KCTD8: variants seen among roughly 807,000 people sequenced by gnomAD.
The protein encoded by KCTD8 is potassium channel tetramerization domain containing 8, also known as BTB/POZ domain-containing protein KCTD8.
In KCTD8, 27 loss-of-function variants were observed where a neutral mutation model predicts 31.5. The observed-to-expected ratio is 0.86, with a 90% CI of 0.63 to 1.18. The LOEUF (loss-of-function observed/expected upper bound fraction) is 1.18, where lower values mean the gene tolerates loss of function less well. Ranked by LOEUF, KCTD8 falls within the 50% of genes most tolerant of loss-of-function variation. The pLI is 0.00. For missense variants in KCTD8, 658 were observed against 647.7 expected, an observed-to-expected ratio of 1.02 and a Z score of -0.17; for synonymous variants, 290 against 280.0, an observed-to-expected ratio of 1.04 and a Z score of -0.36.
chr4:44,318,056 C>T (rs1018630813), intron 1 of KCTD8, among the ~76,000 whole-genome samples: 1 of 152,240 alleles, frequency 6.6e-6, no homozygotes, highest in African/African-American at 2.4e-5. Context: ...CATCTCTGGA[C>T]TCCCTTGGGA....
At chr4:44,335,786 T>C (rs546133144) in intron 1 of KCTD8, among the ~76,000 whole-genome samples, 23 of 151,986 alleles carry the variant, frequency 1.5e-4, no homozygotes, top group African/African-American at 5.1e-4. Context: ...TTCTAGAGAG[T>C]GCAAAAGAGA....
chr4:44,434,839 C>T lies in KCTD8; in HGVS notation c.961+12724G>A, dbSNP rs1474808189. ...TTAACTCGACTGGCCAGAATGCCCA[C>T]TTCAGGATTAACAAGGAATTTCTCT... On this transcript the variant is annotated intron_variant, in intron 1 of 1. Coordinates refer to ENST00000360029, the MANE Select transcript of KCTD8 (RefSeq NM_198353.3). Among the ~76,000 whole-genome samples, 3 of 151,934 alleles carry T rather than the reference C, an allele frequency of 2.0e-5. No individual in the cohort carries two copies. The East Asian group carries it at 5.8e-4, about 29-fold the overall frequency.
intron 1 of KCTD8, among the ~76,000 whole-genome samples, chr4:44,389,457 T>C (rs1341113944): frequency 2.6e-5 from 4 of 151,738 alleles, no homozygotes; most frequent in Admixed American, 6.6e-5. Context: ...GTTGTAGGAC[T>C]ATGCTATGGG....
chr4:44,246,730 ACGC>A (rs1715678553), intron 1 of KCTD8, among the ~76,000 whole-genome samples: 1 of 151,802 alleles, frequency 6.6e-6, no homozygotes, highest in African/African-American at 2.4e-5. Context: ...TTCTACCTTC[ACGC>A]CTTACCTGAA....
At chr4:44,447,411 C>A (rs1004077383) in intron 1 of KCTD8, 152 bp downstream of exon 1, 1 of 1,252,140 alleles carries the variant, frequency 8.0e-7, no homozygotes, top group African/African-American at 1.5e-5. Context: ...GTGTCTACTG[C>A]ATAAGGGAAT....
intron 1 of KCTD8, among the ~76,000 whole-genome samples, chr4:44,339,044 C>G (rs182791839): frequency 6.6e-6 from 1 of 152,166 alleles, no homozygotes; most frequent in East Asian, 1.9e-4. Context: ...GAAGGCCACA[C>G]GTAATATAGA....
intron 1 of KCTD8, among the ~76,000 whole-genome samples, chr4:44,225,998 T>C (rs533115239): frequency 6.6e-6 from 1 of 152,014 alleles, no homozygotes; most frequent in Non-Finnish European, 1.5e-5. Flanking sequence ...TTTTTTGTTT[T>C]TTTGTATTTT....
intron 1 of KCTD8, among the ~76,000 whole-genome samples, chr4:44,414,707 T>C (rs1181654549): frequency 2.0e-5 from 3 of 152,178 alleles, no homozygotes; most frequent in Admixed American, 1.3e-4. Context: ...CATTTATTGA[T>C]ATAGTTTGGA....
intron 1 of KCTD8, among the ~76,000 whole-genome samples, chr4:44,360,315 A>C (rs1190894280): frequency 1.3e-5 from 2 of 152,050 alleles, no homozygotes; most frequent in Non-Finnish European, 2.9e-5. Context: ...AGTTAAGAAA[A>C]GCCTTGCTCC....
At chr4:44,254,115 T>C (rs1388363171) in intron 1 of KCTD8, among the ~76,000 whole-genome samples, 1 of 151,922 alleles carries the variant, frequency 6.6e-6, no homozygotes, top group Admixed American at 6.6e-5. Flanking sequence ...AAGATTTCCA[T>C]GCAGAATATT....
chr4:44,189,835 C>T (rs1206810199), intron 1 of KCTD8, among the ~76,000 whole-genome samples: 1 of 152,150 alleles, frequency 6.6e-6, no homozygotes, highest in East Asian at 1.9e-4. Context: ...AGTTCCTCCT[C>T]TTATGCTTTC....
At chr4:44,393,010 CTA>C (rs1289282382) in intron 1 of KCTD8, among the ~76,000 whole-genome samples, 1 of 152,020 alleles carries the variant, frequency 6.6e-6, no homozygotes, top group African/African-American at 2.4e-5. Flanking sequence ...GTCATCACCA[CTA>C]TGTCATTTGA....
chr4:44,300,827 T>C (rs896573695), intron 1 of KCTD8, among the ~76,000 whole-genome samples: 4 of 151,010 alleles, frequency 2.6e-5, no homozygotes, highest in African/African-American at 7.3e-5. Flanking sequence ...TAACTCGTCA[T>C]TTAGCATTAG....
At chr4:44,344,217 C>A (rs893693456) in intron 1 of KCTD8, among the ~76,000 whole-genome samples, 1 of 151,888 alleles carries the variant, frequency 6.6e-6, no homozygotes, top group East Asian at 1.9e-4. Context: ...CAAGGTCTCA[C>A]TCTGTCGCCC....
chr4:44,358,375 A>C (rs1192033576), intron 1 of KCTD8, among the ~76,000 whole-genome samples: 1 of 152,116 alleles, frequency 6.6e-6, no homozygotes, highest in Non-Finnish European at 1.5e-5. Context: ...ATGCGTCTTT[A>C]TAGTGGAATG....
intron 1 of KCTD8, among the ~76,000 whole-genome samples, chr4:44,301,750 T>G (rs1358755803): frequency 1.3e-5 from 2 of 152,192 alleles, no homozygotes; most frequent in Non-Finnish European, 2.9e-5. Flanking sequence ...TTTTGGCTTT[T>G]GTTGCCATTG....
intron 1 of KCTD8, among the ~76,000 whole-genome samples, chr4:44,182,175 G>A (rs906999965): frequency 6.7e-6 from 1 of 150,348 alleles, no homozygotes; most frequent in Admixed American, 6.6e-5. Context: ...AGGTGGGGGG[G>A]CGCCTCCGCC....
chr4:44,236,033 C>A (rs561498535), intron 1 of KCTD8, among the ~76,000 whole-genome samples: 1 of 152,216 alleles, frequency 6.6e-6, no homozygotes, highest in East Asian at 1.9e-4. Flanking sequence ...ACTATCTCCC[C>A]ACCTGGAAGG....
At chr4:44,175,533 T>A (rs1378162106) in intron 1 of KCTD8, among the ~76,000 whole-genome samples, 1 of 152,168 alleles carries the variant, frequency 6.6e-6, no homozygotes, top group African/African-American at 2.4e-5. Flanking sequence ...TAGCTTCATA[T>A]TGAAAAGAAG....
Sources: allele counts gnomAD v4.1 joint callset (sites outside exome capture counted in the v4.1 genomes callset), GRCh38; gene constraint gnomAD v4.1.1; transcripts MANE v1.5; gene names NCBI Gene and HGNC (gene_info 2026-07-23, HGNC 2026-07-21).